CNTNAP2: variants seen among roughly 807,000 people sequenced by gnomAD.
CNTNAP2 encodes the protein contactin associated protein 2, also known as contactin-associated protein-like 2.
In CNTNAP2, 98 loss-of-function variants were observed where a neutral mutation model predicts 155.2. The observed-to-expected ratio is 0.63, with a 90% CI of 0.54 to 0.75. The LOEUF (loss-of-function observed/expected upper bound fraction) is 0.75, where lower values mean the gene tolerates loss of function less well. Ranked by LOEUF, CNTNAP2 falls within the 30% of genes least tolerant of loss-of-function variation. CNTNAP2 has a pLI of 0.00. For missense variants in CNTNAP2, 1,727 were observed against 1,688.1 expected (o/e 1.02, Z -0.40); for synonymous variants, 651 against 631.2 (o/e 1.03, Z -0.47).
At chr7:146,841,163 A>C (rs1803713828) in intron 3 of CNTNAP2, among the ~76,000 whole-genome samples, 1 of 152,342 alleles carries the variant, frequency 6.6e-6, no homozygotes, top group South Asian at 2.1e-4. Context: ...TCTAAGGTGC[A>C]GCCTGGGCTT....
At chr7:146,526,697 C>T (rs924379417) in intron 1 of CNTNAP2, among the ~76,000 whole-genome samples, 5 of 152,090 alleles carry the variant, frequency 3.3e-5, no homozygotes, top group Non-Finnish European at 7.4e-5. Flanking sequence ...TTGTCTGTTT[C>T]GTTCATTCCA....
chr7:146,159,767 T>A (rs906058329), intron 1 of CNTNAP2, among the ~76,000 whole-genome samples: 2 of 152,080 alleles, frequency 1.3e-5, no homozygotes, highest in Non-Finnish European at 2.9e-5. Flanking sequence ...ACAACGAGAC[T>A]TAGACTCCCA....
chr7:147,229,938 C>T (rs1290219614), intron 8 of CNTNAP2, among the ~76,000 whole-genome samples: 1 of 152,036 alleles, frequency 6.6e-6, no homozygotes, highest in Non-Finnish European at 1.5e-5. Flanking sequence ...ATAAATTCTG[C>T]TAAAATAGTG....
At chr7:146,474,502 A>G (rs956267732) in intron 1 of CNTNAP2, among the ~76,000 whole-genome samples, 2 of 150,998 alleles carry the variant, frequency 1.3e-5, no homozygotes, top group African/African-American at 4.9e-5. Flanking sequence ...TGTTCTTCAC[A>G]TGATTTGAGC....
intron 13 of CNTNAP2, among the ~76,000 whole-genome samples, chr7:147,833,834 T>C (rs1206343874): frequency 6.6e-6 from 1 of 152,158 alleles, no homozygotes; most frequent in Non-Finnish European, 1.5e-5. Context: ...GTCCCTGTGC[T>C]GTAGGAGAGA....
chr7:148,277,812 T>C (rs1203756779), intron 21 of CNTNAP2, among the ~76,000 whole-genome samples: 1 of 132,550 alleles, frequency 7.5e-6, no homozygotes, highest in Admixed American at 8.4e-5. Context: ...GAAAAAAAGC[T>C]TTGCTTTTAC....
intron 1 of CNTNAP2, among the ~76,000 whole-genome samples, chr7:146,528,924 T>C (rs926629390): frequency 6.6e-6 from 1 of 151,902 alleles, no homozygotes; most frequent in Non-Finnish European, 1.5e-5. Context: ...ATAAATAATA[T>C]ATCAAGAAAG....
chr7:147,706,182 T>G (rs564203911), intron 13 of CNTNAP2, among the ~76,000 whole-genome samples: 2 of 129,752 alleles, frequency 1.5e-5, no homozygotes, highest in Non-Finnish European at 1.6e-5. Context: ...ACATTTGAGG[T>G]TTTTTTTTTT....
intron 1 of CNTNAP2, among the ~76,000 whole-genome samples, chr7:146,180,772 T>A (rs1319125126): frequency 1.3e-5 from 2 of 152,170 alleles, no homozygotes; most frequent in Admixed American, 6.6e-5. Context: ...TATATCATTG[T>A]CCTCACTTTA....
At chr7:146,864,109 CT>C (rs1795156552) in intron 3 of CNTNAP2, among the ~76,000 whole-genome samples, 1 of 151,764 alleles carries the variant, frequency 6.6e-6, no homozygotes, top group Non-Finnish European at 1.5e-5. Flanking sequence ...TTTTATTCTT[CT>C]CTTTAATAAT....
rs578172598 is a variant in CNTNAP2 at position 147,586,318 on chromosome 7, T to C, written c.1897+24061T>C. ...GTCTTAAGGTCTGTGTTGATGTTAA[T>C]GCTGGTCAGCTGGGCCTGAATTTCA... On this transcript the variant is annotated intron_variant, in intron 12 of 23. Coordinates refer to ENST00000361727, the MANE Select transcript of CNTNAP2 (RefSeq NM_014141.6). Among the ~76,000 whole-genome samples, 5 of 149,096 alleles carry C rather than the reference T, an allele frequency of 3.4e-5. No individual in the cohort carries two copies. The South Asian group carries it at 1.1e-3, about 32-fold the overall frequency.
chr7:147,312,075 A>G (rs113373535), intron 9 of CNTNAP2, among the ~76,000 whole-genome samples: 103 of 152,214 alleles, frequency 6.8e-4, no homozygotes, highest in African/African-American at 2.4e-3. Flanking sequence ...AGATTTTAAA[A>G]TAAGTTAGTT....
At chr7:146,322,949 C>G (rs1011725731) in intron 1 of CNTNAP2, among the ~76,000 whole-genome samples, 1 of 151,886 alleles carries the variant, frequency 6.6e-6, no homozygotes, top group Admixed American at 6.6e-5. Context: ...CATTTTCTTA[C>G]AAAATATTAT....
chr7:148,026,548 T>C (rs1563172028), intron 15 of CNTNAP2, among the ~76,000 whole-genome samples: 1 of 152,194 alleles, frequency 6.6e-6, no homozygotes, highest in Non-Finnish European at 1.5e-5. Flanking sequence ...AGTATTATAA[T>C]GAGCACTGAA....
chr7:147,982,261 A>G (rs1026336652), intron 15 of CNTNAP2, among the ~76,000 whole-genome samples: 2 of 152,136 alleles, frequency 1.3e-5, no homozygotes, highest in African/African-American at 2.4e-5. Context: ...CGGGGACTGT[A>G]AATAAATACT....
rs368261719 is a variant in CNTNAP2 at position 147,624,940 on chromosome 7, TAC to T, written c.1898-14164_1898-14163del. ...CTATTCAGCCATAAAAAGAATGAGA[TAC>T]AGTCATTTGCAACAACATGGATGGA... On this transcript the variant is annotated intron_variant, in intron 12 of 23. Transcript: ENST00000361727. 3.3e-3 allele frequency among the ~76,000 whole-genome samples: 496 copies of T among 152,260 alleles called. 3 individuals are homozygous for T. Among genetic ancestry groups the T allele is most frequent in the African/African-American group, 0.011 (467 of 41,550 alleles).
At chr7:146,810,694 G>A (rs1386261767) in intron 2 of CNTNAP2, among the ~76,000 whole-genome samples, 3 of 151,884 alleles carry the variant, frequency 2.0e-5, no homozygotes, top group Non-Finnish European at 4.4e-5. Flanking sequence ...TGACAAGAGT[G>A]TGCACCTTTG....
rs1337537335 is a variant in CNTNAP2 at position 147,777,093 on chromosome 7, C to T, written c.2099-126472C>T. On this transcript the variant is annotated intron_variant, in intron 13 of 23. Coordinates refer to ENST00000361727, the MANE Select transcript of CNTNAP2 (RefSeq NM_014141.6). ...TAAGTATTGCTTTATGATGACTATG[C>T]TTAAGTTGTTGGTATATGTTATAAT... 2.6e-5 allele frequency among the ~76,000 whole-genome samples: 4 copies of T among 151,814 alleles called. No homozygotes were observed. In the East Asian group the frequency reaches 7.7e-4, roughly 29 times the overall value.
At chr7:146,953,387 A>C (rs181772147) in intron 3 of CNTNAP2, among the ~76,000 whole-genome samples, 3 of 152,108 alleles carry the variant, frequency 2.0e-5, no homozygotes, top group Admixed American at 2.0e-4. Flanking sequence ...ATGTTTAACG[A>C]GATGATAAAA....
Sources: allele counts gnomAD v4.1 joint callset (sites outside exome capture counted in the v4.1 genomes callset), GRCh38; gene constraint gnomAD v4.1.1; transcripts MANE v1.5; gene names NCBI Gene and HGNC (gene_info 2026-07-23, HGNC 2026-07-21).